The following FAM153A variants were observed in gnomAD, a reference collection of about 807,000 sequenced individuals.
The protein encoded by FAM153A is protein FAM153A.
Under a neutral mutation model 48.1 loss-of-function variants are expected in FAM153A, and 12 were observed. The observed-to-expected ratio is 0.25, with a 90% confidence interval of 0.16 to 0.40. FAM153A has a LOEUF of 0.40. FAM153A is among the 10% of genes least tolerant of loss of function. The pLI is 1.00. For synonymous variants in FAM153A, 36 were observed against 118.2 expected (o/e 0.30, Z 4.51); for missense variants, 111 against 345.8 (o/e 0.32, Z 5.38).
intron 25 of FAM153A, among the ~76,000 whole-genome samples, chr5:177,715,567 A>T (rs1426804251): frequency 6.6e-6 from 1 of 151,586 alleles, no homozygotes; most frequent in Admixed American, 6.6e-5. Flanking sequence ...GGTTCACTCC[A>T]CATCCTGTCC....
At chr5:177,715,849 T>G (rs1759639583) in intron 25 of FAM153A, among the ~76,000 whole-genome samples, 1 of 151,756 alleles carries the variant, frequency 6.6e-6, no homozygotes, top group South Asian at 2.1e-4. Context: ...TTTTTAAATT[T>G]TTTTTTGTAG....
chr5:177,735,205 C>A (rs1344152311), intron 12 of FAM153A, among the ~76,000 whole-genome samples: 6 of 150,056 alleles, frequency 4.0e-5, no homozygotes, highest in African/African-American at 7.6e-5. Flanking sequence ...CTAACTTGCC[C>A]TCTTATTGAT....
Position 177,734,082 on chromosome 5 carries a change from C to A in FAM153A, c.760+298G>T, listed in dbSNP as rs190262969. On this transcript the variant is annotated intron_variant, in intron 14 of 20. Coordinates refer to ENST00000614127, the Ensembl canonical transcript of FAM153A. ...TCCGGGGATATGTAGTACGGAAACCCACACACACACCCCCAGACTCACTGA... is the reference window on the plus strand; with the variant it reads ...TCCGGGGATATGTAGTACGGAAACCAACACACACACCCCCAGACTCACTGA... Among the ~76,000 whole-genome samples, 201 of 118,922 alleles carry A rather than the reference C, an allele frequency of 1.7e-3. 29 individuals carry two copies. Among genetic ancestry groups the A allele is most frequent in the African/African-American group, 5.3e-3 (188 of 35,664 alleles). 78.0% of individuals were successfully genotyped at this position (118,922 alleles called of 152,430 possible).
chr5:177,701,801 C>A, the FAM153A span, among the ~76,000 whole-genome samples: 215 of 151,706 alleles, frequency 1.4e-3, 6 homozygotes, highest in Non-Finnish European at 5.0e-4. Flanking sequence ...TTCTTAGAGA[C>A]TGGTTGAATG....
the FAM153A span, among the ~76,000 whole-genome samples, chr5:177,697,679 C>G: frequency 1.8e-4 from 28 of 151,836 alleles, no homozygotes; most frequent in Non-Finnish European, 1.5e-5. Flanking sequence ...CCTGGGGGTT[C>G]TTAGATCTTG....
the FAM153A span, among the ~76,000 whole-genome samples, chr5:177,697,881 G>GCC: frequency 1.3e-5 from 2 of 150,754 alleles, no homozygotes; most frequent in African/African-American, 2.5e-5. Flanking sequence ...AGTTCCCCCT[G>GCC]CCCCCGTCTT....
intron 1 of FAM153A, among the ~76,000 whole-genome samples, chr5:177,768,293 C>T (rs1396958721): frequency 6.6e-6 from 1 of 151,598 alleles, no homozygotes; most frequent in Non-Finnish European, 1.5e-5. Context: ...CATCTGGAAG[C>T]TCTCCAAGCC....
At chr5:177,722,789 A>G, downstream of FAM153A, 1 of 150,046 alleles carries the variant, frequency 6.7e-6, no homozygotes, top group Non-Finnish European at 1.5e-5. Context: ...AGAGAGTGTG[A>G]GTGTCATGGA....
At position 177,766,045 on chromosome 5, in the gene FAM153A, C is replaced by A. The variant is rs186730221; in HGVS notation, c.-57+14404G>T. On this transcript the variant is annotated intron_variant, in intron 1 of 8. Coordinates refer to the FAM153A transcript ENST00000393518. ...GGCAGGAGAATCGCTTGAACTCGGG[C>A]GGCAGAGGTTGCATTGAGCCAAGAT... 1.9e-5 allele frequency among the ~76,000 whole-genome samples: 2 copies of A among 108,016 alleles called. 1 individual carries two copies. Among genetic ancestry groups the A allele is most frequent in the African/African-American group, 6.1e-5 (2 of 32,590 alleles). 70.9% of individuals were successfully genotyped at this position (108,016 alleles called of 152,430 possible). A position where few individuals can be genotyped will look rare whatever the true frequency, so the allele number is the denominator to read the frequency against.
the FAM153A span, among the ~76,000 whole-genome samples, chr5:177,696,930 A>G: frequency 6.6e-6 from 1 of 151,770 alleles, no homozygotes; most frequent in African/African-American, 2.4e-5. Flanking sequence ...ATTCTAGGTT[A>G]TTTGTATTTT....
chr5:177,770,790 T>C lies in FAM153A; in HGVS notation c.-57+9659A>G, dbSNP rs1437465419. 4.0e-5 allele frequency among the ~76,000 whole-genome samples: 4 copies of C among 98,842 alleles called. 2 individuals are homozygous for C. Among genetic ancestry groups the C allele is most frequent in the African/African-American group, 1.6e-4 (4 of 25,156 alleles). 64.8% of individuals were successfully genotyped at this position (98,842 alleles called of 152,430 possible). ...ATGTAGGATCATCAGTTGTAACAAA[T>C]GTACCACTCTGGTGGAAAATACTAA... On this transcript the variant is annotated intron_variant, in intron 1 of 8. Coordinates refer to the FAM153A transcript ENST00000393518.
chr5:177,724,038 A>T, exon 21 of FAM153A: 1 of 1,510,608 alleles, frequency 6.6e-7, no homozygotes. Flanking sequence ...CAGCAGGCTC[A>T]GGGGCTGCTA....
chr5:177,753,001 C>A (rs1767223714), intron 1 of FAM153A, among the ~76,000 whole-genome samples: 1 of 141,864 alleles, frequency 7.0e-6, no homozygotes, highest in African/African-American at 2.7e-5. Context: ...AGGCAAAAAT[C>A]TTGATAGAAG....
intron 18 of FAM153A, among the ~76,000 whole-genome samples, chr5:177,727,833 T>C (rs1368310624): frequency 1.3e-5 from 1 of 77,626 alleles, no homozygotes; most frequent in Non-Finnish European, 2.5e-5. Flanking sequence ...CTGATGATTA[T>C]TTCATTAAAT....
downstream of FAM153A, among the ~76,000 whole-genome samples, chr5:177,709,670 TTTTG>T (rs1680365078): frequency 8.0e-6 from 1 of 125,030 alleles, no homozygotes; most frequent in Non-Finnish European, 1.8e-5. Flanking sequence ...TGGGTTTTTT[TTTTG>T]TTTTTTTTTT....
At chr5:177,764,352 C>T (rs1205568297) in intron 1 of FAM153A, among the ~76,000 whole-genome samples, 1 of 150,942 alleles carries the variant, frequency 6.6e-6, no homozygotes, top group African/African-American at 2.4e-5. Context: ...CCACTGATGA[C>T]GACTATTAAC....
downstream of FAM153A, among the ~76,000 whole-genome samples, chr5:177,703,608 TG>T (rs1757638893): frequency 6.9e-6 from 1 of 144,820 alleles, no homozygotes; most frequent in Non-Finnish European, 1.5e-5. Flanking sequence ...AGGTCGGGCA[TG>T]GTGGGGGGTG....
upstream of FAM153A, among the ~76,000 whole-genome samples, chr5:177,781,186 C>A (rs1407834228): frequency 3.3e-5 from 4 of 120,210 alleles, no homozygotes; most frequent in African/African-American, 1.3e-4. Context: ...GCAAGCTCCC[C>A]CTCCCGGGTT....
downstream of FAM153A, among the ~76,000 whole-genome samples, chr5:177,705,804 T>C (rs559359313): frequency 5.9e-3 from 884 of 150,110 alleles, 20 homozygotes; most frequent in African/African-American, 0.021. Context: ...AGATTACAGG[T>C]GCACACCACC....
Sources: gnomAD v4.1 joint callset for allele counts (sites outside exome capture counted in the v4.1 genomes callset) on GRCh38, gnomAD v4.1.1 for gene constraint, MANE v1.5 for transcripts, NCBI Gene and HGNC (gene_info 2026-07-23, HGNC 2026-07-21) for gene names.